The following SHISA5 variants were observed in gnomAD, a reference collection of about 807,000 sequenced individuals.
The protein encoded by SHISA5 is shisa family member 5.
Under a neutral mutation model 27.5 loss-of-function variants are expected in SHISA5, and 21 were observed. The ratio of observed to expected loss-of-function variants is 0.76; its 90% CI spans 0.54 to 1.10. SHISA5 has a LOEUF of 1.10. SHISA5 is among the 50% of genes least tolerant of loss of function. The probability of loss-of-function intolerance (pLI) is 0.00; values close to 1 mark genes in which losing one functional copy is unlikely to be tolerated. For missense variants in SHISA5, 314 were observed against 336.3 expected, an observed-to-expected ratio of 0.93 and a Z score of 0.52; for synonymous variants, 137 against 142.2, an observed-to-expected ratio of 0.96 and a Z score of 0.26.
Position 48,501,234 on chromosome 3 carries a change from C to A in SHISA5, c.136G>T (p.Asp46Tyr). The A allele has an allele frequency of 6.2e-7, 1 of 1,614,174 alleles. No homozygotes were observed. Among genetic ancestry groups the A allele is most frequent in the South Asian group, 1.1e-5 (1 of 91,082 alleles). The change falls in exon 2 of 6, where the codon GAT becomes TAT. Residue 46 changes from aspartate (D) to tyrosine (Y), a missense_variant. Coordinates refer to ENST00000296444, the MANE Select transcript of SHISA5 (RefSeq NM_016479.6). Reference protein sequence around the residue: ...GLSLFPESCPDFCCGTCDDQY... With the variant: ...GLSLFPESCPYFCCGTCDDQY... ...TCATCACAGGTACCACAGCAGAAAT[C>A]TGGACAGGACTCGGGGAAGAGGCTG... is the stretch of plus-strand genomic sequence containing the variant.
At chr3:48,491,055 A>C in intron 2 of SHISA5, among the ~76,000 whole-genome samples, 1 of 152,016 alleles carries the variant, frequency 6.6e-6, no homozygotes, top group Admixed American at 6.6e-5. Context: ...TATAGGCTAG[A>C]AGCTCCCCAC....
intron 1 of SHISA5, chr3:48,503,049 G>T: frequency 8.2e-7 from 1 of 1,224,506 alleles, no homozygotes; most frequent in Non-Finnish European, 1.1e-6. Context: ...AAGCCATGGA[G>T]CAGAGGATTG....
intron 2 of SHISA5, among the ~76,000 whole-genome samples, chr3:48,500,218 C>T (rs1056312217): frequency 3.9e-5 from 6 of 152,284 alleles, no homozygotes; most frequent in South Asian, 2.1e-4. Context: ...TACACTACAC[C>T]GACTTTGCAA....
Position 48,469,871 on chromosome 3 carries a change from G to C in SHISA5, c.315-28C>G. ...GCCAAAGAGCTAGACGTGACCCGGG[G>C]CACCTCGCCCCTCCCCAGACCAGCA... On this transcript the variant is annotated intron_variant, in intron 3 of 5. Coordinates refer to ENST00000296444, the MANE Select transcript of SHISA5 (RefSeq NM_016479.6). The surrounding 1 kb of genome is among the most constrained non-coding windows in gnomAD (Gnocchi z 4.6). 1.2e-6 allele frequency: 2 copies of C among 1,600,790 alleles called. No individual in the cohort carries two copies. Among genetic ancestry groups the C allele is most frequent in the Non-Finnish European group, 1.7e-6 (2 of 1,173,594 alleles).
At chr3:48,503,706 G>A (rs2041820021) in intron 1 of SHISA5, 1 of 1,175,156 alleles carries the variant, frequency 8.5e-7, no homozygotes, top group East Asian at 4.1e-5. Flanking sequence ...ACTAAAGCCA[G>A]GCAGGGAACC....
intron 2 of SHISA5, among the ~76,000 whole-genome samples, chr3:48,499,649 C>T (rs1166504839): frequency 6.9e-6 from 1 of 144,208 alleles, no homozygotes. Flanking sequence ...CACCACATTC[C>T]AGCCTGCAGC....
chr3:48,503,603 G>A (rs1397164415), intron 1 of SHISA5: 1 of 656,798 alleles, frequency 1.5e-6, no homozygotes, highest in Non-Finnish European at 2.0e-6. Context: ...AAGGGCCAAC[G>A]GAGGCAGCGG....
chr3:48,472,898 C>G (rs1453771709), intron 3 of SHISA5: 7 of 1,101,428 alleles, frequency 6.4e-6, no homozygotes, highest in Non-Finnish European at 9.3e-6. Flanking sequence ...GAGAAACGCA[C>G]ACACATTCAC....
chr3:48,501,031 TTGAGAGGGC>T, intron 2 of SHISA5, 97 bp downstream of exon 2: 1 of 1,299,444 alleles, frequency 7.7e-7, no homozygotes, highest in Non-Finnish European at 1.1e-6. Flanking sequence ...GGCCACCATC[TTGAGAGGGC>T]TGAGAGGCCA....
At chr3:48,501,682 A>T (rs2041758786) in intron 1 of SHISA5, among the ~76,000 whole-genome samples, 1 of 151,998 alleles carries the variant, frequency 6.6e-6, no homozygotes, top group African/African-American at 2.4e-5. Context: ...AGATCACTCC[A>T]GCTCTCCAAC....
upstream of SHISA5, chr3:48,504,383 G>T (rs572721816): frequency 1.3e-5 from 4 of 302,868 alleles, no homozygotes; most frequent in South Asian, 6.4e-4. The surrounding 1 kb of genome is among the most constrained non-coding windows in gnomAD (Gnocchi z 4.0). Context: ...CCCAGACTCG[G>T]ACAGGCGCCG....
intron 2 of SHISA5, among the ~76,000 whole-genome samples, chr3:48,499,609 G>A (rs2041690732): frequency 1.3e-5 from 2 of 149,018 alleles, no homozygotes; most frequent in African/African-American, 5.0e-5. Flanking sequence ...GAACCTGGGA[G>A]GCGGAGCTTG....
rs564924452 is a variant in SHISA5 at position 48,468,666 on chromosome 3, C to T, written c.*441G>A. On this transcript the variant is annotated 3_prime_UTR_variant, in exon 6 of 6. Transcript: ENST00000296444. ...CATGGCCTCAAGCAGCAGCTGGCTACGCTGCCGAAACCAGGACACATCTGC... is the reference window on the plus strand; with the variant it reads ...CATGGCCTCAAGCAGCAGCTGGCTATGCTGCCGAAACCAGGACACATCTGC... 4.4e-5 allele frequency: 53 copies of T among 1,213,786 alleles called. No homozygotes were observed. In the East Asian group the frequency reaches 1.8e-3, roughly 40 times the overall value. 75.2% of individuals were successfully genotyped at this position (1,213,786 alleles called of 1,614,324 possible).
chr3:48,491,261 A>G (rs942681598), intron 2 of SHISA5, among the ~76,000 whole-genome samples: 19 of 151,866 alleles, frequency 1.3e-4, no homozygotes, highest in Admixed American at 1.2e-3. Flanking sequence ...TGGGGCTACA[A>G]GCGCCCGTCA....
chr3:48,488,715 C>A (rs2041328494), intron 2 of SHISA5, among the ~76,000 whole-genome samples: 1 of 151,002 alleles, frequency 6.6e-6, no homozygotes. Flanking sequence ...TGCCTGTAAT[C>A]CCAGCTACTA....
At chr3:48,496,680 G>A (rs889397538) in intron 2 of SHISA5, among the ~76,000 whole-genome samples, 40 of 151,740 alleles carry the variant, frequency 2.6e-4, no homozygotes, top group African/African-American at 9.4e-4. Flanking sequence ...GTTGCAGTAA[G>A]CCGTGATCAC....
chr3:48,468,621 C>T lies in SHISA5; in HGVS notation c.*486G>A, dbSNP rs2040448448. On this transcript the variant is annotated 3_prime_UTR_variant, in exon 6 of 6. Transcript: ENST00000296444. ...ATGTCCCTGGCTCTGCAACGGGTAC[C>T]CCCAACTCCGGGGACGAGCCATGGC... The T allele has an allele frequency of 8.3e-7, 1 of 1,197,736 alleles. No individual in the cohort carries two copies. The highest frequency in any genetic ancestry group is 1.1e-6 in the Non-Finnish European group (1 of 946,836). The allele number at this position is 1,197,736 out of a possible 1,614,324, so 74.2% of individuals were successfully genotyped here.
At position 48,468,808 on chromosome 3, in the gene SHISA5, T is replaced by G. The variant is rs2040461190; in HGVS notation, c.*299A>C. The G allele has an allele frequency of 6.9e-7, 1 of 1,453,776 alleles. No individual in the cohort carries two copies. Among genetic ancestry groups the G allele is most frequent in the Non-Finnish European group, 9.1e-7 (1 of 1,094,412 alleles). 90.1% of individuals were successfully genotyped at this position (1,453,776 alleles called of 1,614,324 possible). A position where few individuals can be genotyped will look rare whatever the true frequency, so the allele number is the denominator to read the frequency against. The stretch of plus-strand genomic sequence containing the variant: ...AGGCCCCCACCTCTCAGGGGCCACC[T>G]CACAGGGTGCCCCCCACCACCCCAT... On this transcript the variant is annotated 3_prime_UTR_variant, in exon 6 of 6. Transcript: ENST00000296444.
intron 2 of SHISA5, among the ~76,000 whole-genome samples, chr3:48,491,638 G>A (rs2041429686): frequency 6.6e-6 from 1 of 151,700 alleles, no homozygotes; most frequent in African/African-American, 2.4e-5. Flanking sequence ...TGCTGTTTTC[G>A]TTTGTTTGTT....
Sources: allele counts gnomAD v4.1 joint callset (sites outside exome capture counted in the v4.1 genomes callset), GRCh38; gene constraint gnomAD v4.1.1; non-coding constraint Gnocchi (gnomAD v3.1); transcripts MANE v1.5; gene names NCBI Gene and HGNC (gene_info 2026-07-23, HGNC 2026-07-21).